FEZ2: variants seen among roughly 807,000 people sequenced by gnomAD.
FEZ2 encodes the protein fasciculation and elongation protein zeta 2, also known as fasciculation and elongation protein zeta-2.
Under a neutral mutation model 40.4 loss-of-function variants are expected in FEZ2, and 51 were observed. The observed-to-expected ratio is 1.26, with a 90% CI of 1.01 to 1.59. FEZ2 has a LOEUF of 1.59. Ranked by LOEUF, FEZ2 falls within the 40% of genes most tolerant of loss-of-function variation. The pLI is 0.00. For missense variants in FEZ2, 640 were observed against 438.3 expected, an observed-to-expected ratio of 1.46 and a Z score of -4.11; for synonymous variants, 242 against 172.0, an observed-to-expected ratio of 1.41 and a Z score of -3.18.
chr2:36,574,431 A>G (rs1668505251), intron 5 of FEZ2, among the ~76,000 whole-genome samples: 1 of 152,206 alleles, frequency 6.6e-6, no homozygotes, highest in South Asian at 2.1e-4. Flanking sequence ...CCGAGAAAGT[A>G]AAGTTAAATT....
intron 7 of FEZ2, chr2:36,554,351 C>G (rs1667899710): frequency 4.3e-6 from 2 of 470,052 alleles, no homozygotes; most frequent in African/African-American, 2.0e-5. Flanking sequence ...CAGTTAAATG[C>G]TAAAATAGCT....
intron 2 of FEZ2, among the ~76,000 whole-genome samples, chr2:36,587,510 C>G (rs1668934997): frequency 6.6e-6 from 1 of 152,188 alleles, no homozygotes; most frequent in Non-Finnish European, 1.5e-5. Context: ...TTGAAAGATA[C>G]CAGTTGCCTT....
At chr2:36,557,916 T>G (rs1278443709) in intron 6 of FEZ2, 1 of 152,166 alleles carries the variant, frequency 6.6e-6, no homozygotes, top group Non-Finnish European at 1.5e-5. Flanking sequence ...GTATCCCAAG[T>G]GCCCAGATCA....
intron 4 of FEZ2, among the ~76,000 whole-genome samples, chr2:36,579,962 C>G (rs1326607291): frequency 1.3e-5 from 2 of 152,058 alleles, no homozygotes; most frequent in Non-Finnish European, 2.9e-5. Context: ...GACTGGTATT[C>G]TTATAAAATA....
chr2:36,554,044 A>C, intron 7 of FEZ2: 1 of 310,866 alleles, frequency 3.2e-6, no homozygotes, highest in Non-Finnish European at 6.6e-6. Context: ...TACAGTCTCC[A>C]CTGTAGTCTA....
intron 2 of FEZ2, among the ~76,000 whole-genome samples, chr2:36,588,805 A>G (rs1573029909): frequency 6.6e-6 from 1 of 151,820 alleles, no homozygotes; most frequent in African/African-American, 2.4e-5. Context: ...TTTAATCCAC[A>G]GTTGGCTAAA....
intron 1 of FEZ2, among the ~76,000 whole-genome samples, chr2:36,597,071 C>T (rs1669246331): frequency 6.6e-6 from 1 of 152,058 alleles, no homozygotes; most frequent in Admixed American, 6.5e-5. Context: ...GTCTCCCCAC[C>T]AGACCATGCG....
At position 36,581,399 on chromosome 2, in the gene FEZ2, T is replaced by C. The variant is rs909368451; in HGVS notation, c.525A>G (p.Glu175=). The C allele has an allele frequency of 6.2e-7, 1 of 1,613,650 alleles. No individual in the cohort carries two copies. The highest frequency in any genetic ancestry group is 1.7e-5 in the Admixed American group (1 of 60,010). Residue 175 remains glutamate (E), a synonymous_variant, in exon 4 of 8, where the codon GAA becomes GAG. Coordinates refer to ENST00000405912, the MANE Select transcript of FEZ2 (RefSeq NM_005102.3). The part of the protein sequence containing the change: ...VIEEIEEMMQ[E]SPDPEDDETP... ...TTTCATCATCTTCTGGGTCCGGTGA[T>C]TCCTGCATCATTTCTTCAATTTCTT...
intron 5 of FEZ2, among the ~76,000 whole-genome samples, chr2:36,573,115 TTC>T (rs1668463595): frequency 6.6e-6 from 1 of 152,166 alleles, no homozygotes; most frequent in Non-Finnish European, 1.5e-5. Context: ...ACAGTAGAAA[TTC>T]TCTCTTCAAA....
intron 2 of FEZ2, among the ~76,000 whole-genome samples, chr2:36,588,884 T>C (rs848611): frequency 0.42 from 64,141 of 151,874 alleles, 13,810 homozygotes; most frequent in Middle Eastern, 0.54. Context: ...TGGATTAAAC[T>C]GTCTCACTCA....
At chr2:36,586,354 G>A (rs770114422) in intron 2 of FEZ2, among the ~76,000 whole-genome samples, 2 of 152,124 alleles carry the variant, frequency 1.3e-5, no homozygotes, top group Admixed American at 6.5e-5. Context: ...ATTAATCCGG[G>A]GTGGGCACAG....
rs774061037 is a variant in FEZ2, at chr2:36,560,854, C to T, written c.904-2341G>A. On this transcript the variant is annotated intron_variant, in intron 5 of 7. Transcript: ENST00000405912. ...TCTGAATGACATTTGAGATCCCTTC[C>T]ATGCTGAAGCGCTAAAGGCGGCAAT... The T allele has an allele frequency of 6.8e-6, 11 of 1,608,770 alleles. No individual in the cohort carries two copies. Among genetic ancestry groups the T allele is most frequent in the Middle Eastern group, 1.6e-4 (1 of 6,072 alleles).
intron 7 of FEZ2, chr2:36,555,201 T>A (rs2125216635): frequency 6.5e-6 from 1 of 152,858 alleles, no homozygotes; most frequent in East Asian, 1.9e-4. Flanking sequence ...CCATTCTTTT[T>A]ATTTCCCCGC....
intron 5 of FEZ2, among the ~76,000 whole-genome samples, chr2:36,577,754 T>C (rs1033305126): frequency 3.3e-5 from 5 of 152,238 alleles, no homozygotes; most frequent in African/African-American, 1.2e-4. Context: ...CTCTGCTAAG[T>C]ATTCTTTAGA....
At chr2:36,597,811 G>GA in intron 1 of FEZ2, 66 bp downstream of exon 1, 1 of 1,072,484 alleles carries the variant, frequency 9.3e-7, no homozygotes, top group Non-Finnish European at 1.1e-6. Context: ...TGCGGCCGTA[G>GA]GGCTGCCGGT....
chr2:36,582,091 T>G (rs1668766533), intron 3 of FEZ2, among the ~76,000 whole-genome samples: 2 of 152,196 alleles, frequency 1.3e-5, no homozygotes. Context: ...TACTGTCTAG[T>G]GCAGTGCTGC....
At chr2:36,566,201 A>G (rs1404304105) in intron 5 of FEZ2, among the ~76,000 whole-genome samples, 2 of 152,144 alleles carry the variant, frequency 1.3e-5, no homozygotes, top group South Asian at 2.1e-4. Context: ...TTCGCCAGGC[A>G]CGGTGGCGGG....
chr2:36,561,965 C>A (rs1049218570), intron 5 of FEZ2, among the ~76,000 whole-genome samples: 5 of 152,160 alleles, frequency 3.3e-5, no homozygotes, highest in African/African-American at 1.2e-4. Context: ...CCAAGAGGTC[C>A]CTGAAATCCT....
chr2:36,562,227 ATT>A (rs1451843487), intron 5 of FEZ2, among the ~76,000 whole-genome samples: 1 of 152,116 alleles, frequency 6.6e-6, no homozygotes, highest in Admixed American at 6.5e-5. Context: ...TTTATAATGA[ATT>A]TATTTTTGGT....
Sources: allele counts gnomAD v4.1 joint callset (sites outside exome capture counted in the v4.1 genomes callset), GRCh38; gene constraint gnomAD v4.1.1; transcripts MANE v1.5; gene names NCBI Gene and HGNC (gene_info 2026-07-23, HGNC 2026-07-21).